RASGRP1: variants seen among roughly 807,000 people sequenced by gnomAD.
The protein encoded by RASGRP1 is RAS guanyl releasing protein 1.
Under a neutral mutation model 95.1 loss-of-function variants are expected in RASGRP1, and 37 were observed. The ratio of observed to expected loss-of-function variants is 0.39; its 90% CI spans 0.30 to 0.51. The LOEUF is 0.51. Among genes scored for constraint, RASGRP1 ranks in the 20% least tolerant of loss-of-function variants. The pLI is 0.80. For synonymous variants in RASGRP1, 325 were observed against 353.4 expected (o/e 0.92, Z 0.90); for missense variants, 711 against 965.4 (o/e 0.74, Z 3.49).
chr15:38,543,028 T>C (rs77646778), intron 2 of RASGRP1, among the ~76,000 whole-genome samples: 3,459 of 151,336 alleles, frequency 0.023, 48 homozygotes, highest in Middle Eastern at 0.038. Flanking sequence ...TGAGAAGTTT[T>C]TGATTTTTAT....
rs776862042 is a variant in RASGRP1, at chr15:38,501,225, G to C, written c.1601C>G (p.Ser534Cys). 6.2e-7 allele frequency: 1 copy of C among 1,612,900 alleles called. No individual in the cohort carries two copies. Among genetic ancestry groups the C allele is most frequent in the Admixed American group, 1.7e-5 (1 of 59,962 alleles). The stretch of plus-strand genomic sequence containing the variant: ...GTGAGGAAAGCCCAGGCCCAGCTTG[G>C]AATAGATTGAGCTGGCTCTCATGAA... ...AYFMRASSIY[S>C]KLGLGFPHNF... is the part of the protein sequence containing the mutation. The change falls in exon 13 of 17, where the codon TCC becomes TGC. Residue 534 changes from serine to cysteine, a missense_variant. Around this residue, in one of 3 missense-constraint regions of RASGRP1, gnomAD observed 491 missense variants for 676.6 expected, o/e 0.73. Transcript: ENST00000310803.
At position 38,494,680 on chromosome 15, in the gene RASGRP1, C is replaced by A; in HGVS notation, c.1961G>T (p.Gly654Val). 6.5e-7 allele frequency: 1 copy of A among 1,536,780 alleles called. No homozygotes were observed. The highest frequency in any genetic ancestry group is 2.3e-5 in the East Asian group (1 of 44,304). The stretch of plus-strand genomic sequence containing the variant: ...AAGAGAAATCTTCTGTGAGGACACT[C>A]CCATCAGCATGATGGTCCGATCCTT... ...ESKDRTIMLM[G>V]VSSQKISLRL... is the part of the protein sequence containing the mutation. The change falls in exon 16 of 17, where the codon GGA (glycine) becomes GTA (valine). Residue 654 changes from glycine to valine, a missense_variant. By Grantham distance (109) the Gly-to-Val change is moderately radical (BLOSUM62 -3). Around this residue, in one of 3 missense-constraint regions of RASGRP1, gnomAD observed 212 missense variants for 247.8 expected, o/e 0.86. Coordinates refer to ENST00000310803, the MANE Select transcript of RASGRP1 (RefSeq NM_005739.4).
At chr15:38,495,655 T>G (rs1890768077) in intron 15 of RASGRP1, among the ~76,000 whole-genome samples, 1 of 152,220 alleles carries the variant, frequency 6.6e-6, no homozygotes, top group South Asian at 2.1e-4. Flanking sequence ...GTTTAATTCT[T>G]GCCAAAGAGA....
At chr15:38,519,424 T>G (rs1022850102) in intron 3 of RASGRP1, 53 bp from the exon 4 acceptor site, 2 of 1,312,528 alleles carry the variant, frequency 1.5e-6, no homozygotes, top group Admixed American at 2.2e-5. Context: ...ACCAAACGAC[T>G]TTTCATCTTT....
chr15:38,537,387 C>T (rs1365691610), intron 2 of RASGRP1, among the ~76,000 whole-genome samples: 1 of 152,164 alleles, frequency 6.6e-6, no homozygotes, highest in East Asian at 1.9e-4. Context: ...AGGCACGTCA[C>T]ATGGTGAAAG....
chr15:38,511,777 A>G, intron 7 of RASGRP1, 57 bp from the exon 8 acceptor site: 2 of 1,350,942 alleles, frequency 1.5e-6, no homozygotes, highest in Non-Finnish European at 2.1e-6. Flanking sequence ...TTATATGGGG[A>G]GCTTAGAGGC....
chr15:38,564,273 G>A (rs1005610713), intron 1 of RASGRP1, among the ~76,000 whole-genome samples: 13 of 152,214 alleles, frequency 8.5e-5, no homozygotes, highest in African/African-American at 3.1e-4. Context: ...GATGCCGGGC[G>A]TGGAGATGTG....
At chr15:38,563,431 A>C (rs543122236) in intron 1 of RASGRP1, among the ~76,000 whole-genome samples, 87 of 152,256 alleles carry the variant, frequency 5.7e-4, no homozygotes, top group African/African-American at 2.0e-3. Flanking sequence ...CAAAACTCTA[A>C]ACTGGTTTAG....
chr15:38,564,513 G>A, intron 1 of RASGRP1, 81 bp downstream of exon 1: 2 of 1,242,166 alleles, frequency 1.6e-6, no homozygotes, highest in South Asian at 3.0e-5. Flanking sequence ...ACTTCCCTCG[G>A]GGTGTTGGGG....
chr15:38,497,130 G>A (rs1335561217), intron 15 of RASGRP1, among the ~76,000 whole-genome samples: 7 of 152,240 alleles, frequency 4.6e-5, no homozygotes, highest in South Asian at 4.1e-4. Context: ...AATAAGCACT[G>A]GATTTTTGCT....
At chr15:38,495,778 AT>A (rs1328181484) in intron 15 of RASGRP1, among the ~76,000 whole-genome samples, 129 of 149,358 alleles carry the variant, frequency 8.6e-4, no homozygotes, top group African/African-American at 1.7e-3. Context: ...AAATAATTAC[AT>A]TTTTTTTTTG....
rs1891581680 is a variant in RASGRP1, at chr15:38,512,641, T to C, written c.849+142A>G. On this transcript the variant is annotated intron_variant, in intron 7 of 16. Transcript: ENST00000310803. ...GACAAGTCACCATATCTAGATCTGG[T>C]TGAAGGCACACAAACCTCTCCACCC... 6 of 991,280 alleles carry C rather than the reference T, an allele frequency of 6.1e-6. 1 individual carries two copies. The highest frequency in any genetic ancestry group is 5.0e-5 in the South Asian group (3 of 60,532). 61.4% of individuals were successfully genotyped at this position (991,280 alleles called of 1,614,324 possible).
At chr15:38,552,194 C>T (rs1046887587) in intron 2 of RASGRP1, among the ~76,000 whole-genome samples, 2 of 152,198 alleles carry the variant, frequency 1.3e-5, no homozygotes, top group African/African-American at 4.8e-5. Flanking sequence ...CACACTGATA[C>T]ATGATTTCCT....
At chr15:38,563,848 A>C (rs1351176326) in intron 1 of RASGRP1, among the ~76,000 whole-genome samples, 2 of 152,158 alleles carry the variant, frequency 1.3e-5, no homozygotes, top group African/African-American at 2.4e-5. Flanking sequence ...ATCAGTGTCG[A>C]TGTGAATGGA....
intron 16 of RASGRP1, 65 bp downstream of exon 16, chr15:38,494,317 C>T (rs771334811): frequency 1.3e-6 from 2 of 1,573,858 alleles, no homozygotes; most frequent in South Asian, 2.3e-5. Flanking sequence ...TCCACATGCT[C>T]TTTCCTGGTT....
chr15:38,519,707 C>G (rs1367978795), intron 3 of RASGRP1, among the ~76,000 whole-genome samples: 2 of 152,086 alleles, frequency 1.3e-5, no homozygotes, highest in Non-Finnish European at 2.9e-5. Context: ...GCAAATGACT[C>G]CTTGCCTGTG....
chr15:38,531,528 A>G (rs1356420698), intron 2 of RASGRP1, among the ~76,000 whole-genome samples: 1 of 152,194 alleles, frequency 6.6e-6, no homozygotes, highest in Non-Finnish European at 1.5e-5. Flanking sequence ...AATTGCCTTT[A>G]AGAACTCAGG....
chr15:38,499,823 T>G (rs192343812), intron 14 of RASGRP1, among the ~76,000 whole-genome samples: 81 of 152,320 alleles, frequency 5.3e-4, no homozygotes, highest in African/African-American at 1.9e-3. Context: ...CCTCATGTTG[T>G]TCTCATGATA....
At chr15:38,511,789 G>T in intron 7 of RASGRP1, 69 bp from the exon 8 acceptor site, 1 of 1,194,794 alleles carries the variant, frequency 8.4e-7, no homozygotes, top group Non-Finnish European at 1.2e-6. Flanking sequence ...CTTAGAGGCT[G>T]CCTCTTGTCT....
Sources: gnomAD v4.1 joint callset for allele counts (sites outside exome capture counted in the v4.1 genomes callset) on GRCh38, gnomAD v4.1.1 for gene constraint, gnomAD v4.1.1 regional missense constraint, MANE v1.5 for transcripts, NCBI Gene and HGNC (gene_info 2026-07-23, HGNC 2026-07-21) for gene names.